The following GABRB2 variants were observed in gnomAD, a reference collection of about 807,000 sequenced individuals.
GABRB2 encodes gamma-aminobutyric acid type A receptor subunit beta2.
GABRB2 carries 16 observed loss-of-function variants against 54.7 expected under a neutral mutation model. That is an observed-to-expected ratio of 0.29 (90% CI 0.20 to 0.44). The LOEUF (loss-of-function observed/expected upper bound fraction) is 0.44. Ranked by LOEUF, GABRB2 falls within the 20% of genes least tolerant of loss-of-function variation. The pLI, the probability that GABRB2 is intolerant of heterozygous loss-of-function variation, is 1.00. For missense variants in GABRB2, 355 were observed against 644.0 expected, an observed-to-expected ratio of 0.55 and a Z score of 4.86; for synonymous variants, 244 against 233.8, an observed-to-expected ratio of 1.04 and a Z score of -0.40.
At chr5:161,469,326 A>G (rs1410977986) in intron 3 of GABRB2, among the ~76,000 whole-genome samples, 1 of 151,990 alleles carries the variant, frequency 6.6e-6, no homozygotes, top group African/African-American at 2.4e-5. Flanking sequence ...ATAAATGAGA[A>G]GTCTCTACCT....
chr5:161,513,770 C>G (rs891546839), intron 3 of GABRB2, among the ~76,000 whole-genome samples: 2 of 151,744 alleles, frequency 1.3e-5, no homozygotes, highest in East Asian at 1.9e-4. Context: ...ACGTGCACCT[C>G]CTGAATCTCA....
chr5:161,447,303 C>A (rs191444101), intron 4 of GABRB2, among the ~76,000 whole-genome samples: 32 of 152,232 alleles, frequency 2.1e-4, no homozygotes, highest in African/African-American at 6.3e-4. Context: ...GTTGTCTGGC[C>A]TCATTATGCA....
chr5:161,396,420 T>C (rs1182988709), intron 5 of GABRB2, among the ~76,000 whole-genome samples: 1 of 152,222 alleles, frequency 6.6e-6, no homozygotes, highest in Non-Finnish European at 1.5e-5. Context: ...TACAGCATTC[T>C]CCTCATCTCT....
intron 5 of GABRB2, among the ~76,000 whole-genome samples, chr5:161,396,460 C>T (rs776721438): frequency 6.6e-6 from 1 of 152,192 alleles, no homozygotes; most frequent in Non-Finnish European, 1.5e-5. Context: ...GTTGTTAAAA[C>T]GAGAATAACA....
intron 3 of GABRB2, among the ~76,000 whole-genome samples, chr5:161,476,907 G>A (rs1032241892): frequency 6.6e-6 from 1 of 151,838 alleles, no homozygotes; most frequent in Non-Finnish European, 1.5e-5. Flanking sequence ...ATAACCAATA[G>A]CTTCAGCAAC....
intron 3 of GABRB2, among the ~76,000 whole-genome samples, chr5:161,488,039 CCTTCA>C (rs1411717440): frequency 6.6e-6 from 1 of 151,752 alleles, no homozygotes; most frequent in African/African-American, 2.4e-5. Context: ...TATATACCTT[CCTTCA>C]CAAGAATAAT....
At chr5:161,428,354 A>C (rs929843454) in intron 4 of GABRB2, among the ~76,000 whole-genome samples, 1 of 151,554 alleles carries the variant, frequency 6.6e-6, no homozygotes. Context: ...CTTGACAAAA[A>C]TTACTAACAC....
intron 4 of GABRB2, among the ~76,000 whole-genome samples, chr5:161,442,748 TTC>T (rs897417429): frequency 1.5e-4 from 22 of 151,410 alleles, no homozygotes; most frequent in African/African-American, 4.4e-4. Flanking sequence ...CCCTTTTCAA[TTC>T]TCTCTCTCTC....
chr5:161,482,705 C>A (rs2113331265), intron 3 of GABRB2, among the ~76,000 whole-genome samples: 1 of 152,168 alleles, frequency 6.6e-6, no homozygotes, highest in African/African-American at 2.4e-5. Flanking sequence ...GGCGTACAAG[C>A]CCATAGATGA....
intron 3 of GABRB2, among the ~76,000 whole-genome samples, chr5:161,494,813 G>A (rs1054115722): frequency 1.3e-5 from 2 of 151,598 alleles, no homozygotes; most frequent in Admixed American, 1.3e-4. Context: ...TGTATTTAAG[G>A]AAAGTTCAGA....
At chr5:161,434,148 A>G (rs1307216267) in intron 4 of GABRB2, among the ~76,000 whole-genome samples, 3 of 152,172 alleles carry the variant, frequency 2.0e-5, no homozygotes, top group Admixed American at 6.5e-5. Flanking sequence ...CTCTGATGTA[A>G]ATATCAGGGC....
intron 5 of GABRB2, among the ~76,000 whole-genome samples, chr5:161,377,428 A>G (rs1379539259): frequency 6.6e-6 from 1 of 152,152 alleles, no homozygotes; most frequent in Admixed American, 6.6e-5. Flanking sequence ...AATATAACAC[A>G]TGATGCTGTT....
At chr5:161,352,786 C>G (rs1172598750) in intron 5 of GABRB2, among the ~76,000 whole-genome samples, 2 of 151,924 alleles carry the variant, frequency 1.3e-5, no homozygotes, top group African/African-American at 4.8e-5. Context: ...GTACATATTT[C>G]AAAACTTCAT....
chr5:161,532,488 C>T (rs1177173463), intron 3 of GABRB2, among the ~76,000 whole-genome samples: 2 of 152,148 alleles, frequency 1.3e-5, no homozygotes, highest in African/African-American at 4.8e-5. Flanking sequence ...CTGGTGTAGG[C>T]CCAGAAAATA....
At chr5:161,481,308 A>G (rs1758755322) in intron 3 of GABRB2, among the ~76,000 whole-genome samples, 1 of 152,212 alleles carries the variant, frequency 6.6e-6, no homozygotes, top group Non-Finnish European at 1.5e-5. Flanking sequence ...CCTGGCACAC[A>G]TAGGAAATCA....
At chr5:161,500,615 A>C (rs1324974958) in intron 3 of GABRB2, among the ~76,000 whole-genome samples, 5 of 152,138 alleles carry the variant, frequency 3.3e-5, no homozygotes, top group African/African-American at 7.2e-5. Context: ...ACTAGCATGA[A>C]TCTTTCTTAT....
intron 4 of GABRB2, chr5:161,459,354 A>G: frequency 6.6e-6 from 3 of 455,830 alleles, no homozygotes; most frequent in South Asian, 2.6e-5. Context: ...AGCTATTTTG[A>G]TATTCTTTAT....
chr5:161,465,008 A>G (rs1400811461), intron 3 of GABRB2, among the ~76,000 whole-genome samples: 13 of 152,058 alleles, frequency 8.5e-5, no homozygotes, highest in Admixed American at 8.5e-4. Context: ...AAAACTCAGA[A>G]CTGTATACCA....
chr5:161,417,545 A>G (rs1756714751), intron 4 of GABRB2, among the ~76,000 whole-genome samples: 1 of 152,222 alleles, frequency 6.6e-6, no homozygotes, highest in African/African-American at 2.4e-5. Context: ...GCTTCTCTGG[A>G]GGATTGATCA....
Sources: allele counts gnomAD v4.1 joint callset (sites outside exome capture counted in the v4.1 genomes callset), GRCh38; gene constraint gnomAD v4.1.1; transcripts MANE v1.5; gene names NCBI Gene and HGNC (gene_info 2026-07-23, HGNC 2026-07-21).